TRABD2B: variants seen among roughly 807,000 people sequenced by gnomAD.
TRABD2B encodes the protein metalloprotease TIKI2.
Under a neutral mutation model 40.1 loss-of-function variants are expected in TRABD2B, and 14 were observed. The observed-to-expected ratio is 0.35, with a 90% confidence interval of 0.23 to 0.55. TRABD2B has a LOEUF of 0.55. Among genes scored for constraint, TRABD2B ranks in the 20% least tolerant of loss-of-function variants. The pLI, the probability that TRABD2B is intolerant of heterozygous loss-of-function variation, is 0.90. For missense variants in TRABD2B, 541 were observed against 648.6 expected (o/e 0.83, Z 1.80); for synonymous variants, 263 against 277.0 (o/e 0.95, Z 0.50).
intron 2 of TRABD2B, among the ~76,000 whole-genome samples, chr1:47,950,306 TAAAA>T (rs1486019309): frequency 2.0e-5 from 3 of 150,998 alleles, no homozygotes; most frequent in African/African-American, 7.3e-5. Flanking sequence ...AAAATAATAA[TAAAA>T]AGAAAGAAGA....
At chr1:47,877,531 C>T (rs1315587128) in intron 2 of TRABD2B, among the ~76,000 whole-genome samples, 1 of 152,136 alleles carries the variant, frequency 6.6e-6, no homozygotes, top group Non-Finnish European at 1.5e-5. Flanking sequence ...TGGAAACCAT[C>T]TGAAAGCATC....
At chr1:47,991,999 G>A (rs966707607) in intron 2 of TRABD2B, among the ~76,000 whole-genome samples, 2 of 152,062 alleles carry the variant, frequency 1.3e-5, no homozygotes, top group African/African-American at 2.4e-5. Context: ...AGATTTCATC[G>A]CCTCCCTACA....
intron 2 of TRABD2B, among the ~76,000 whole-genome samples, chr1:47,817,019 T>C (rs767311314): frequency 6.6e-6 from 1 of 152,224 alleles, no homozygotes; most frequent in African/African-American, 2.4e-5. Context: ...GCTTTACTCA[T>C]TCTCGTATCC....
intron 2 of TRABD2B, among the ~76,000 whole-genome samples, chr1:47,804,971 TC>T (rs1644871438): frequency 6.6e-6 from 1 of 152,178 alleles, no homozygotes; most frequent in African/African-American, 2.4e-5. Context: ...AGCAGGGACT[TC>T]TGCACCAAGG....
chr1:47,765,975 G>A lies in TRABD2B; in HGVS notation c.1481C>T (p.Thr494Ile). Reference sequence around the variant, plus strand: ...GGCGATGGCGGGGAGAAGGCCCAGGGTGGGTGCCGAGCTGCTGGCGGGCCC... The same window carrying A: ...GGCGATGGCGGGGAGAAGGCCCAGGATGGGTGCCGAGCTGCTGGCGGGCCC... ...PPGPASSSAP[T>I]LGLLPAIATT... The change falls in exon 7 of 7, where the codon ACC (threonine) becomes ATC (isoleucine). Residue 494 changes from threonine to isoleucine, a missense_variant. Physicochemically the swap from Thr to Ile is moderately conservative, Grantham distance 89. Coordinates refer to ENST00000606738, the MANE Select transcript of TRABD2B (RefSeq NM_001194986.2). The A allele has an allele frequency of 1.4e-6, 1 of 702,644 alleles. No individual in the cohort carries two copies. The highest frequency in any genetic ancestry group is 2.6e-6 in the Non-Finnish European group (1 of 384,818). 43.5% of individuals were successfully genotyped at this position (702,644 alleles called of 1,614,324 possible). A position where few individuals can be genotyped will look rare whatever the true frequency, so the allele number is the denominator to read the frequency against.
chr1:47,792,974 T>A (rs1644695723), intron 4 of TRABD2B, among the ~76,000 whole-genome samples: 1 of 151,938 alleles, frequency 6.6e-6, no homozygotes, highest in Non-Finnish European at 1.5e-5. Flanking sequence ...GGCAGCTGGA[T>A]GGTGAGGGAG....
chr1:47,911,864 G>A (rs1443101658), intron 2 of TRABD2B, among the ~76,000 whole-genome samples: 1 of 152,218 alleles, frequency 6.6e-6, no homozygotes, highest in African/African-American at 2.4e-5. Context: ...TAAGCACAGG[G>A]ACTTGTGTGA....
intron 2 of TRABD2B, among the ~76,000 whole-genome samples, chr1:47,929,712 G>A (rs1158226198): frequency 6.6e-6 from 1 of 152,180 alleles, no homozygotes; most frequent in Non-Finnish European, 1.5e-5. Context: ...CAGAGTGGGT[G>A]CTCATGCGCA....
Position 47,994,879 on chromosome 1 carries a change from G to C in TRABD2B, c.103-282C>G, listed in dbSNP as rs1646068001. Among the ~76,000 whole-genome samples the C allele has an allele frequency of 6.6e-6, 1 of 152,144 alleles. No individual in the cohort carries two copies. The highest frequency in any genetic ancestry group is 2.4e-5 in the African/African-American group (1 of 41,424). On this transcript the variant is annotated intron_variant, in intron 1 of 6. Coordinates refer to ENST00000606738, the MANE Select transcript of TRABD2B (RefSeq NM_001194986.2). This position sits in a 1 kb window ranked among gnomAD's most constrained non-coding sequence, Gnocchi z 6.7. ...AGCAACTACCTCGGGTTGTTGGGAG[G>C]ATTAAAAGATACAATATATGTATAT...
chr1:47,959,908 A>G (rs190385916), intron 2 of TRABD2B, among the ~76,000 whole-genome samples: 168 of 152,236 alleles, frequency 1.1e-3, no homozygotes, highest in African/African-American at 3.9e-3. Context: ...ACACACACAC[A>G]AAAAAAGAGA....
In TRABD2B at chr1:47,977,171, C is replaced by T. The variant is rs182446640; in HGVS notation, c.666+16863G>A. Among the ~76,000 whole-genome samples the T allele has an allele frequency of 1.3e-3, 200 of 151,290 alleles. 1 individual carries two copies. Among genetic ancestry groups the T allele is most frequent in the African/African-American group, 4.5e-3 (185 of 41,202 alleles). ...CACTGCAACCTCTGCCTCCCAGGTT[C>T]AAGTGATGCTTATGCCTCAGCCTCC... On this transcript the variant is annotated intron_variant, in intron 2 of 6. Transcript: ENST00000606738.
intron 2 of TRABD2B, among the ~76,000 whole-genome samples, chr1:47,866,529 A>G (rs954908744): frequency 2.0e-5 from 3 of 152,098 alleles, no homozygotes; most frequent in Non-Finnish European, 4.4e-5. Context: ...AGTTTCCTTG[A>G]TGCTTCTGAA....
intron 2 of TRABD2B, among the ~76,000 whole-genome samples, chr1:47,923,882 C>A (rs1425825589): frequency 6.6e-6 from 1 of 150,576 alleles, no homozygotes. Context: ...TAAAATCAAT[C>A]TCTCTCTCTC....
chr1:47,983,428 C>T (rs1030271889), intron 2 of TRABD2B, among the ~76,000 whole-genome samples: 3 of 152,120 alleles, frequency 2.0e-5, no homozygotes, highest in African/African-American at 7.2e-5. Flanking sequence ...AAAAAACCCT[C>T]TGTGACAGTA....
At chr1:47,825,847 TG>T (rs11364572) in intron 2 of TRABD2B, among the ~76,000 whole-genome samples, 11,640 of 152,212 alleles carry the variant, frequency 0.076, 1,027 homozygotes, top group East Asian at 0.21. Context: ...GGCCTTGGAC[TG>T]GGAGTCAGGA....
intron 2 of TRABD2B, among the ~76,000 whole-genome samples, chr1:47,852,865 T>C (rs1357133038): frequency 2.4e-4 from 37 of 152,248 alleles, no homozygotes; most frequent in Non-Finnish European, 1.2e-4. Context: ...TTTCAAAGTA[T>C]ATATATATTT....
chr1:47,840,501 G>C (rs1013532083), intron 2 of TRABD2B, among the ~76,000 whole-genome samples: 2 of 152,096 alleles, frequency 1.3e-5, no homozygotes, highest in African/African-American at 2.4e-5. Context: ...GTCCCTCCCT[G>C]GTCCACAGCA....
intron 2 of TRABD2B, among the ~76,000 whole-genome samples, chr1:47,821,034 C>T (rs1305773599): frequency 1.3e-5 from 2 of 152,162 alleles, no homozygotes; most frequent in East Asian, 1.9e-4. Flanking sequence ...CGTGATGGTG[C>T]CCCTGTCTGG....
chr1:47,847,435 C>T (rs1283231613), intron 2 of TRABD2B, among the ~76,000 whole-genome samples: 2 of 152,154 alleles, frequency 1.3e-5, no homozygotes, highest in Non-Finnish European at 2.9e-5. Flanking sequence ...GGTCATTATG[C>T]ATGGAAATAT....
Sources: gnomAD v4.1 joint callset for allele counts (sites outside exome capture counted in the v4.1 genomes callset) on GRCh38, gnomAD v4.1.1 for gene constraint, Gnocchi (gnomAD v3.1) non-coding constraint, MANE v1.5 for transcripts, NCBI Gene and HGNC (gene_info 2026-07-23, HGNC 2026-07-21) for gene names.